The following TEAD1 variants were observed in gnomAD, a reference collection of about 807,000 sequenced individuals.
The protein encoded by TEAD1 is transcriptional enhancer factor TEF-1.
In TEAD1, 9 loss-of-function variants were observed where a neutral mutation model predicts 54.9. The observed-to-expected ratio is 0.16, with a 90% CI of 0.10 to 0.29. TEAD1 has a LOEUF of 0.29. Among genes scored for constraint, TEAD1 ranks in the 10% least tolerant of loss-of-function variants. TEAD1 has a pLI of 1.00. For synonymous variants in TEAD1, 200 were observed against 187.8 expected (o/e 1.07, Z -0.53); for missense variants, 387 against 535.9 (o/e 0.72, Z 2.74).
chr11:12,925,102 C>A, intron 11 of TEAD1, 50 bp downstream of exon 11: 1 of 1,607,138 alleles, frequency 6.2e-7, no homozygotes, highest in Non-Finnish European at 8.5e-7. Flanking sequence ...CAGACTGTTG[C>A]CTTCCTTTAA....
At chr11:12,829,984 T>C (rs1161081292) in intron 3 of TEAD1, among the ~76,000 whole-genome samples, 2 of 152,042 alleles carry the variant, frequency 1.3e-5, no homozygotes, top group African/African-American at 4.8e-5. Flanking sequence ...AGAGGTTTGA[T>C]GAGGTGATTT....
At chr11:12,862,460 G>A in intron 4 of TEAD1, 146 bp downstream of exon 4, 1 of 726,316 alleles carries the variant, frequency 1.4e-6, no homozygotes, top group Non-Finnish European at 2.5e-6. Context: ...ATTTTAAATT[G>A]GCTCAGTTTT....
At chr11:12,767,215 A>G (rs565573648) in intron 3 of TEAD1, among the ~76,000 whole-genome samples, 1 of 152,302 alleles carries the variant, frequency 6.6e-6, no homozygotes, top group South Asian at 2.1e-4. Context: ...GTGTGGGGCC[A>G]GAGCTACTGT....
chr11:12,874,104 C>G (rs998123766), intron 5 of TEAD1, among the ~76,000 whole-genome samples: 3 of 152,062 alleles, frequency 2.0e-5, no homozygotes, highest in Admixed American at 2.0e-4. Flanking sequence ...GAAATCATGG[C>G]CCATGAATAA....
At chr11:12,897,167 T>G (rs1281379024) in intron 9 of TEAD1, among the ~76,000 whole-genome samples, 2 of 152,222 alleles carry the variant, frequency 1.3e-5, no homozygotes, top group Admixed American at 6.5e-5. Flanking sequence ...AGTATTTGTT[T>G]TGTGCCCCAT....
chr11:12,814,787 G>C (rs1946380578), intron 3 of TEAD1, among the ~76,000 whole-genome samples: 1 of 5,064 alleles, frequency 2.0e-4, no homozygotes, highest in Admixed American at 1.8e-3. Context: ...CTGTGTGTGT[G>C]TGTGTGTGTG....
intron 3 of TEAD1, among the ~76,000 whole-genome samples, chr11:12,807,830 G>T (rs1187222040): frequency 6.6e-6 from 1 of 152,170 alleles, no homozygotes; most frequent in Admixed American, 6.5e-5. Flanking sequence ...GGCCAGACCT[G>T]GACAGGTACT....
At chr11:12,749,379 C>G (rs1465257151) in intron 2 of TEAD1, among the ~76,000 whole-genome samples, 2 of 152,154 alleles carry the variant, frequency 1.3e-5, no homozygotes, top group African/African-American at 4.8e-5. Context: ...AGGATGTAGT[C>G]TTGGAAGGAA....
At chr11:12,914,708 A>G (rs1948679655) in intron 10 of TEAD1, among the ~76,000 whole-genome samples, 2 of 152,222 alleles carry the variant, frequency 1.3e-5, no homozygotes, top group South Asian at 4.1e-4. Flanking sequence ...CTCTCTGCCC[A>G]TGGCAGTGCT....
At chr11:12,902,251 C>A in intron 10 of TEAD1, 138 bp downstream of exon 10, 1 of 1,164,292 alleles carries the variant, frequency 8.6e-7, no homozygotes, top group Non-Finnish European at 1.3e-6. Flanking sequence ...GCCAAGGGAG[C>A]ACGGACTCAC....
chr11:12,715,306 C>A (rs545412826), intron 2 of TEAD1, among the ~76,000 whole-genome samples: 1 of 152,260 alleles, frequency 6.6e-6, no homozygotes, highest in East Asian at 1.9e-4. Context: ...GTGTAACCAG[C>A]AGAACAGGCA....
chr11:12,680,787 C>G (rs1022772776), intron 2 of TEAD1, among the ~76,000 whole-genome samples: 1 of 152,218 alleles, frequency 6.6e-6, no homozygotes, highest in Non-Finnish European at 1.5e-5. Context: ...GCCCCACATG[C>G]CGCCGCTGCT....
chr11:12,819,842 A>G (rs1196727885), intron 3 of TEAD1, among the ~76,000 whole-genome samples: 1 of 152,228 alleles, frequency 6.6e-6, no homozygotes, highest in South Asian at 2.1e-4. Flanking sequence ...GTTATTTCAT[A>G]GATAACAAAA....
chr11:12,893,451 C>T (rs1948240835), intron 9 of TEAD1, among the ~76,000 whole-genome samples: 1 of 152,194 alleles, frequency 6.6e-6, no homozygotes. Context: ...TGGCCACTTC[C>T]CCTGTTTCTT....
At chr11:12,802,480 A>G (rs1443472788) in intron 3 of TEAD1, among the ~76,000 whole-genome samples, 2 of 152,088 alleles carry the variant, frequency 1.3e-5, no homozygotes, top group Non-Finnish European at 2.9e-5. Context: ...AAACAATTAC[A>G]TGTTCCCCCC....
rs527961339 is a variant in TEAD1 at position 12,845,850 on chromosome 11, G to T, written c.203-16400G>T. 4.6e-5 allele frequency among the ~76,000 whole-genome samples: 7 copies of T among 152,324 alleles called. No homozygotes were observed. The South Asian group carries it at 1.2e-3, about 27-fold the overall frequency. Reference sequence around the variant, plus strand: ...TGGTCGCCTCTCTGGGTGTCCCAGGGGGCTGTGCCCCGCTCATGTTCAGAG... The same window carrying T: ...TGGTCGCCTCTCTGGGTGTCCCAGGTGGCTGTGCCCCGCTCATGTTCAGAG... On this transcript the variant is annotated intron_variant, in intron 3 of 12. Coordinates refer to ENST00000527636, the MANE Select transcript of TEAD1 (RefSeq NM_021961.6).
At chr11:12,683,547 C>T (rs572517348) in intron 2 of TEAD1, among the ~76,000 whole-genome samples, 3 of 151,992 alleles carry the variant, frequency 2.0e-5, no homozygotes, top group South Asian at 2.1e-4. Flanking sequence ...GAGGGCTTTG[C>T]GGAGGAAGTG....
At chr11:12,854,782 G>T (rs1347324452) in intron 3 of TEAD1, among the ~76,000 whole-genome samples, 1 of 141,118 alleles carries the variant, frequency 7.1e-6, no homozygotes, top group East Asian at 2.1e-4. Flanking sequence ...TTTTTTTTAA[G>T]AGATAGGGTC....
intron 5 of TEAD1, among the ~76,000 whole-genome samples, chr11:12,868,574 A>G (rs1337129384): frequency 1.3e-5 from 2 of 152,244 alleles, no homozygotes; most frequent in South Asian, 2.1e-4. Context: ...GGTCAGCTTT[A>G]TGCTTCTACT....
Sources: allele counts gnomAD v4.1 joint callset (sites outside exome capture counted in the v4.1 genomes callset), GRCh38; gene constraint gnomAD v4.1.1; transcripts MANE v1.5; gene names NCBI Gene and HGNC (gene_info 2026-07-23, HGNC 2026-07-21).